The following RYR3 variants were observed in gnomAD, a reference collection of about 807,000 sequenced individuals.
RYR3 encodes the protein ryanodine receptor 3, also known as brain ryanodine receptor-calcium release channel.
Under a neutral mutation model 584.3 loss-of-function variants are expected in RYR3, and 207 were observed. The observed-to-expected ratio is 0.35, with a 90% CI of 0.32 to 0.40. RYR3 has a LOEUF of 0.40. Ranked by LOEUF, RYR3 falls within the 10% of genes least tolerant of loss-of-function variation. The pLI is 1.00. For missense variants in RYR3, 5,616 were observed against 6,089.2 expected (o/e 0.92, Z 2.59); for synonymous variants, 2,416 against 2,248.5 (o/e 1.07, Z -2.11).
chr15:33,823,157 T>C lies in RYR3; in HGVS notation c.11072+85T>C, dbSNP rs2152960407. 6.5e-6 allele frequency: 7 copies of C among 1,083,516 alleles called. No homozygotes were observed. In the South Asian group the frequency reaches 9.1e-5, roughly 14 times the overall value. The allele number at this position is 1,083,516 out of a possible 1,614,324, so 67.1% of individuals were successfully genotyped here. On this transcript the variant is annotated intron_variant, in intron 81 of 103. Coordinates refer to ENST00000634891, the MANE Select transcript of RYR3 (RefSeq NM_001036.6). ...AGGGGAAGGGGAGCACAAAATATAC[T>C]GGCCTACCATAGAATTCTTGAGAGA...
At chr15:33,616,221 T>A (rs2060442456) in intron 19 of RYR3, among the ~76,000 whole-genome samples, 1 of 152,256 alleles carries the variant, frequency 6.6e-6, no homozygotes, top group Admixed American at 6.5e-5. Context: ...TTCTCCAGTC[T>A]ACTAGCTAAT....
intron 92 of RYR3, 149 bp from the exon 93 acceptor site, chr15:33,844,713 A>C: frequency 1.5e-6 from 1 of 658,712 alleles, no homozygotes; most frequent in South Asian, 2.0e-5. Flanking sequence ...TCCTAGTAAT[A>C]AGTCACCTAA....
chr15:33,832,300 AAAAAG>A (rs898303229), intron 86 of RYR3, among the ~76,000 whole-genome samples: 2 of 151,576 alleles, frequency 1.3e-5, no homozygotes, highest in African/African-American at 4.8e-5. Flanking sequence ...TCTCAAAAAA[AAAAAG>A]AAAAGAAAAA....
chr15:33,740,106 C>A, intron 51 of RYR3, 111 bp downstream of exon 51: 2 of 867,010 alleles, frequency 2.3e-6, no homozygotes, highest in Non-Finnish European at 1.8e-6. Flanking sequence ...CCTGCCAACA[C>A]TGTTCATCAT....
At chr15:33,507,575 T>G (rs1363195911) in intron 3 of RYR3, among the ~76,000 whole-genome samples, 1 of 152,226 alleles carries the variant, frequency 6.6e-6, no homozygotes, top group Non-Finnish European at 1.5e-5. Flanking sequence ...ACATTTTCAA[T>G]TGATTAGACC....
At chr15:33,715,508 T>A (rs1240822166) in intron 43 of RYR3, among the ~76,000 whole-genome samples, 3 of 152,226 alleles carry the variant, frequency 2.0e-5, no homozygotes, top group Non-Finnish European at 4.4e-5. Context: ...TATGGCTAGT[T>A]GCAGCTGGAT....
chr15:33,532,849 G>T (rs948907373), intron 4 of RYR3, among the ~76,000 whole-genome samples: 1 of 152,138 alleles, frequency 6.6e-6, no homozygotes, highest in Admixed American at 6.5e-5. Context: ...GCATAGGGTG[G>T]TTCACATGTG....
In RYR3 at chr15:33,838,798, G is replaced by A. The variant is rs2078190366; in HGVS notation, c.12818G>A (p.Gly4273Glu). The part of the protein sequence containing the change: ...ELVHFIKGEK[G>E]DTDIMSDLFG... ...GTACACTTCATAAAGGGGGAGAAGG[G>A]AGATACAGATATCATGTCAGACCTC... Residue 4273 changes from glycine (G) to glutamate (E), a missense_variant, in exon 89 of 104, where the codon GGA (glycine) becomes GAA (glutamate). Around this residue, in one of 9 missense-constraint regions of RYR3, gnomAD observed 918 missense variants for 887.4 expected, o/e 1.03. Coordinates refer to ENST00000634891, the MANE Select transcript of RYR3 (RefSeq NM_001036.6). The A allele has an allele frequency of 6.2e-7, 1 of 1,613,774 alleles. No homozygotes were observed. Among genetic ancestry groups the A allele is most frequent in the Non-Finnish European group, 8.5e-7 (1 of 1,179,878 alleles).
intron 18 of RYR3, among the ~76,000 whole-genome samples, chr15:33,606,417 A>G (rs1276359911): frequency 9.2e-5 from 14 of 152,230 alleles, no homozygotes; most frequent in Non-Finnish European, 1.5e-5. Flanking sequence ...AGGAATATCT[A>G]AGGGAATAAA....
intron 2 of RYR3, among the ~76,000 whole-genome samples, chr15:33,476,759 T>C (rs1271236006): frequency 6.6e-6 from 1 of 152,208 alleles, no homozygotes; most frequent in East Asian, 1.9e-4. Flanking sequence ...ATACCCACCA[T>C]CCTTGCATGA....
chr15:33,855,603 TCTG>T (rs2079570638), intron 98 of RYR3, among the ~76,000 whole-genome samples: 1 of 562 alleles, frequency 1.8e-3, no homozygotes, highest in South Asian at 0.1. Context: ...CCCAGGTATT[TCTG>T]ATATCTGCAT....
chr15:33,453,775 C>T (rs1169856551), intron 1 of RYR3, among the ~76,000 whole-genome samples: 1 of 152,074 alleles, frequency 6.6e-6, no homozygotes, highest in African/African-American at 2.4e-5. Flanking sequence ...GGAAATAATA[C>T]TAATGTCTTC....
At chr15:33,704,528 G>A (rs2066547778) in intron 42 of RYR3, among the ~76,000 whole-genome samples, 1 of 152,170 alleles carries the variant, frequency 6.6e-6, no homozygotes, top group Non-Finnish European at 1.5e-5. Flanking sequence ...CATAAATGCT[G>A]TGTCTATTCA....
intron 42 of RYR3, among the ~76,000 whole-genome samples, chr15:33,702,973 G>A (rs28635248): frequency 0.17 from 25,919 of 151,678 alleles, 2,428 homozygotes; most frequent in Admixed American, 0.27. Context: ...AGAGAGAGAG[G>A]GGTTGTCTTG....
At position 33,476,772 on chromosome 15, in the gene RYR3, G is replaced by A. The variant is rs115206138; in HGVS notation, c.171+3234G>A. Among the ~76,000 whole-genome samples the A allele has an allele frequency of 5.1e-3, 781 of 152,308 alleles. 8 individuals carry two copies. Among genetic ancestry groups the A allele is most frequent in the African/African-American group, 0.018 (745 of 41,552 alleles). ...ACATACCCACCATCCTTGCATGAGT[G>A]TGCCCCTTTTATATGTAGCATGAGG... On this transcript the variant is annotated intron_variant, in intron 2 of 103. Coordinates refer to ENST00000634891, the MANE Select transcript of RYR3 (RefSeq NM_001036.6).
intron 3 of RYR3, among the ~76,000 whole-genome samples, chr15:33,524,304 C>T (rs768589070): frequency 6.6e-6 from 1 of 152,192 alleles, no homozygotes; most frequent in East Asian, 1.9e-4. Flanking sequence ...GCTTTTCCCA[C>T]GGTGGCATAT....
At chr15:33,502,176 A>T (rs557025161) in intron 2 of RYR3, among the ~76,000 whole-genome samples, 1 of 152,348 alleles carries the variant, frequency 6.6e-6, no homozygotes, top group South Asian at 2.1e-4. Flanking sequence ...ACTTTAATAA[A>T]GGAAAATTGT....
At chr15:33,408,004 A>T (rs1334720479) in intron 1 of RYR3, among the ~76,000 whole-genome samples, 1 of 102,458 alleles carries the variant, frequency 9.8e-6, no homozygotes, top group African/African-American at 4.0e-5. Context: ...ATCCCAGTTA[A>T]ACTTGAATTT....
At chr15:33,839,108 C>T (rs2078213404) in intron 89 of RYR3, 150 bp downstream of exon 89, 2 of 982,706 alleles carry the variant, frequency 2.0e-6, no homozygotes, top group African/African-American at 1.6e-5. Context: ...CTTATAATTC[C>T]ACCTCTGACA....
Sources: allele counts gnomAD v4.1 joint callset (sites outside exome capture counted in the v4.1 genomes callset), GRCh38; gene constraint gnomAD v4.1.1; regional missense constraint gnomAD v4.1.1; transcripts MANE v1.5; gene names NCBI Gene and HGNC (gene_info 2026-07-23, HGNC 2026-07-21).